The following FNDC3B variants were observed in gnomAD, a reference collection of about 807,000 sequenced individuals.
FNDC3B encodes the protein fibronectin type III domain-containing protein 3B.
Under a neutral mutation model 151.5 loss-of-function variants are expected in FNDC3B, and 12 were observed. The ratio of observed to expected loss-of-function variants is 0.08; its 90% CI spans 0.05 to 0.13. The LOEUF (loss-of-function observed/expected upper bound fraction) is 0.13, where lower values mean the gene tolerates loss of function less well. Ranked by LOEUF, FNDC3B falls within the 10% of genes least tolerant of loss-of-function variation. The probability of loss-of-function intolerance (pLI) is 1.00; values close to 1 mark genes in which losing one functional copy is unlikely to be tolerated. For missense variants in FNDC3B, 1,214 were observed against 1,505.3 expected, an observed-to-expected ratio of 0.81 and a Z score of 3.20; for synonymous variants, 528 against 549.0, an observed-to-expected ratio of 0.96 and a Z score of 0.54.
At chr3:172,206,934 T>C (rs1021844736) in intron 3 of FNDC3B, among the ~76,000 whole-genome samples, 1 of 152,220 alleles carries the variant, frequency 6.6e-6, no homozygotes, top group Non-Finnish European at 1.5e-5. Flanking sequence ...CTTGGCTTTC[T>C]GCCCCAAGAA....
intron 15 of FNDC3B, 87 bp downstream of exon 15, chr3:172,335,169 C>T (rs1732900405): frequency 7.3e-7 from 1 of 1,375,056 alleles, no homozygotes; most frequent in African/African-American, 1.5e-5. Context: ...TAGTGACAAG[C>T]CAAAAAAATT....
chr3:172,246,316 T>G (rs977981348), intron 4 of FNDC3B, among the ~76,000 whole-genome samples: 1 of 152,200 alleles, frequency 6.6e-6, no homozygotes, highest in Non-Finnish European at 1.5e-5. Flanking sequence ...GTCCACTTCC[T>G]TGCAGGGCCC....
intron 11 of FNDC3B, among the ~76,000 whole-genome samples, chr3:172,311,383 T>C (rs7650328): frequency 0.065 from 9,852 of 152,188 alleles, 1,110 homozygotes; most frequent in African/African-American, 0.22. Flanking sequence ...TGGGTTAGAA[T>C]GTCCTGTATC....
At chr3:172,395,203 C>T (rs932418111) in intron 25 of FNDC3B, among the ~76,000 whole-genome samples, 1 of 152,098 alleles carries the variant, frequency 6.6e-6, no homozygotes, top group African/African-American at 2.4e-5. Context: ...TAATTATCAG[C>T]CAAATCGCTT....
chr3:172,308,640 A>C (rs1731311872), intron 10 of FNDC3B, among the ~76,000 whole-genome samples: 1 of 152,338 alleles, frequency 6.6e-6, no homozygotes, highest in Admixed American at 6.5e-5. Flanking sequence ...GCATTCTCAT[A>C]GCCAGTGGCC....
At chr3:172,290,262 A>G (rs571237447) in intron 7 of FNDC3B, among the ~76,000 whole-genome samples, 2 of 152,322 alleles carry the variant, frequency 1.3e-5, no homozygotes, top group African/African-American at 4.8e-5. Flanking sequence ...TGAATTGAGC[A>G]AGTCTTTTAC....
At chr3:172,361,367 A>G (rs546462466) in intron 22 of FNDC3B, among the ~76,000 whole-genome samples, 18 of 152,142 alleles carry the variant, frequency 1.2e-4, no homozygotes, top group Admixed American at 1.1e-3. Context: ...CCCATATCTG[A>G]TCATAGGTTG....
intron 11 of FNDC3B, chr3:172,317,340 C>T (rs576962945): frequency 2.1e-5 from 6 of 291,900 alleles, no homozygotes; most frequent in South Asian, 5.3e-5. Flanking sequence ...CCTGCCACCA[C>T]GCCCAGCTAA....
chr3:172,350,422 A>G (rs902504804), intron 21 of FNDC3B, among the ~76,000 whole-genome samples: 6 of 152,348 alleles, frequency 3.9e-5, no homozygotes, highest in Middle Eastern at 3.4e-3. Context: ...TGATAGAAAC[A>G]TTGGGCTCCA....
At chr3:172,326,388 T>G (rs1343572027) in intron 11 of FNDC3B, among the ~76,000 whole-genome samples, 1 of 152,236 alleles carries the variant, frequency 6.6e-6, no homozygotes, top group African/African-American at 2.4e-5. Context: ...GTCCCTAAGT[T>G]TATGCACATA....
intron 1 of FNDC3B, among the ~76,000 whole-genome samples, chr3:172,071,479 G>C (rs1272081596): frequency 6.6e-6 from 1 of 152,108 alleles, no homozygotes; most frequent in East Asian, 1.9e-4. Flanking sequence ...AATTTAGCCT[G>C]ACTTGGAAAA....
At chr3:172,364,245 C>T (rs778396049) in intron 23 of FNDC3B, among the ~76,000 whole-genome samples, 1 of 152,132 alleles carries the variant, frequency 6.6e-6, no homozygotes, top group African/African-American at 2.4e-5. Flanking sequence ...GCAAGAACAG[C>T]AATTGTGAAC....
At chr3:172,315,281 G>A (rs1731722396) in intron 11 of FNDC3B, among the ~76,000 whole-genome samples, 1 of 152,188 alleles carries the variant, frequency 6.6e-6, no homozygotes, top group South Asian at 2.1e-4. Flanking sequence ...GGAGGCTGAG[G>A]CAGGAGAATT....
At chr3:172,318,842 C>A (rs143216854) in intron 11 of FNDC3B, among the ~76,000 whole-genome samples, 1 of 152,168 alleles carries the variant, frequency 6.6e-6, no homozygotes, top group Non-Finnish European at 1.5e-5. Flanking sequence ...CATGAGTGCC[C>A]ACTGCCATGT....
chr3:172,064,547 A>G (rs1292336313), intron 1 of FNDC3B, among the ~76,000 whole-genome samples: 1 of 152,188 alleles, frequency 6.6e-6, no homozygotes, highest in Admixed American at 6.5e-5. Context: ...CAGGTTGTTC[A>G]GTTTTAAAAT....
At chr3:172,160,077 T>TTCTC (rs1477458412) in intron 3 of FNDC3B, among the ~76,000 whole-genome samples, 14 of 152,226 alleles carry the variant, frequency 9.2e-5, no homozygotes, top group African/African-American at 3.4e-4. Context: ...TCTGTCAGCC[T>TTCTC]TCTCGCCTGC....
At chr3:172,289,083 A>G (rs1252482973) in intron 7 of FNDC3B, among the ~76,000 whole-genome samples, 1 of 152,232 alleles carries the variant, frequency 6.6e-6, no homozygotes, top group Admixed American at 6.5e-5. Context: ...AAAGGTCTAG[A>G]GGCCAGAAAG....
In FNDC3B at chr3:172,087,432, G is replaced by C. The variant is rs1718601235; in HGVS notation, c.-28-25020G>C. ...TAACATTTTGGAATTTGATAAGTAAGAATGAGTGCATATGTGTGTGGGCGT... is the reference window on the plus strand; with the variant it reads ...TAACATTTTGGAATTTGATAAGTAACAATGAGTGCATATGTGTGTGGGCGT... On this transcript the variant is annotated intron_variant, in intron 1 of 25. Coordinates refer to ENST00000415807, the MANE Select transcript of FNDC3B (RefSeq NM_022763.4). Among the ~76,000 whole-genome samples, 3 of 152,124 alleles carry C rather than the reference G, an allele frequency of 2.0e-5. No individual in the cohort carries two copies. The South Asian group carries it at 6.2e-4, about 32-fold the overall frequency.
chr3:172,115,434 T>G (rs1177945136), intron 2 of FNDC3B, among the ~76,000 whole-genome samples: 1 of 151,580 alleles, frequency 6.6e-6, no homozygotes, highest in Non-Finnish European at 1.5e-5. Flanking sequence ...GCTGCATGAG[T>G]TTTGAATGCT....
Sources: gnomAD v4.1 joint callset for allele counts (sites outside exome capture counted in the v4.1 genomes callset) on GRCh38, gnomAD v4.1.1 for gene constraint, MANE v1.5 for transcripts, NCBI Gene and HGNC (gene_info 2026-07-23, HGNC 2026-07-21) for gene names.